The following RCAN2 variants were observed in gnomAD, a reference collection of about 807,000 sequenced individuals.
The protein encoded by RCAN2 is calcipressin-2.
Under a neutral mutation model 23.6 loss-of-function variants are expected in RCAN2, and 9 were observed. The ratio of observed to expected loss-of-function variants is 0.38; its 90% CI spans 0.23 to 0.67. The LOEUF is 0.67. Ranked by LOEUF, RCAN2 falls within the 30% of genes least tolerant of loss-of-function variation. The pLI is 0.51. For synonymous variants in RCAN2, 109 were observed against 115.7 expected (o/e 0.94, Z 0.37); for missense variants, 273 against 302.3 (o/e 0.90, Z 0.72).
chr6:46,471,754 A>G (rs900699579), intron 1 of RCAN2, among the ~76,000 whole-genome samples: 3 of 152,162 alleles, frequency 2.0e-5, no homozygotes, highest in Non-Finnish European at 2.9e-5. Context: ...TGAGCCCTGA[A>G]ACACACCACA....
chr6:46,401,099 G>A (rs147303175), intron 2 of RCAN2, among the ~76,000 whole-genome samples: 1 of 152,196 alleles, frequency 6.6e-6, no homozygotes, highest in African/African-American at 2.4e-5. Flanking sequence ...GTTCCCAGGA[G>A]TTAAATTAGA....
intron 2 of RCAN2, among the ~76,000 whole-genome samples, chr6:46,340,095 TGATAA>T (rs1764263321): frequency 6.6e-6 from 1 of 152,160 alleles, no homozygotes; most frequent in Non-Finnish European, 1.5e-5. Flanking sequence ...CATGAGTGAA[TGATAA>T]GATAAGCTAA....
chr6:46,361,810 A>T (rs191888483), intron 2 of RCAN2, among the ~76,000 whole-genome samples: 6 of 152,308 alleles, frequency 3.9e-5, no homozygotes, highest in Admixed American at 3.3e-4. Flanking sequence ...GATTAAAAAG[A>T]TTTGAGATAT....
intron 1 of RCAN2, among the ~76,000 whole-genome samples, chr6:46,458,910 T>TGA (rs1240561441): frequency 6.6e-6 from 1 of 152,104 alleles, no homozygotes; most frequent in African/African-American, 2.4e-5. Context: ...TGTGTGTGTG[T>TGA]GATGGAGTTT....
intron 4 of RCAN2, among the ~76,000 whole-genome samples, chr6:46,242,314 T>C (rs1005878587): frequency 2.0e-5 from 3 of 152,214 alleles, no homozygotes; most frequent in African/African-American, 7.2e-5. Flanking sequence ...CTTGCTTGTC[T>C]GAGATGAGGC....
intron 4 of RCAN2, among the ~76,000 whole-genome samples, chr6:46,228,721 CTT>C (rs1027649617): frequency 6.6e-5 from 10 of 152,142 alleles, no homozygotes; most frequent in African/African-American, 2.4e-4. Flanking sequence ...GGTCTTGACT[CTT>C]TATCCAATTT....
intron 2 of RCAN2, among the ~76,000 whole-genome samples, chr6:46,330,194 T>C (rs1299299611): frequency 6.6e-6 from 1 of 152,200 alleles, no homozygotes; most frequent in Non-Finnish European, 1.5e-5. Flanking sequence ...CTAGTCACTC[T>C]CAGAGTGTGG....
In RCAN2 at chr6:46,221,781, T is replaced by C. The variant is rs1002898647; in HGVS notation, c.*1360A>G. On this transcript the variant is annotated 3_prime_UTR_variant, in exon 5 of 5. Transcript: ENST00000371374. Reference sequence around the variant, plus strand: ...CACTCCATTGTAATCTGCGTTTGCATCTAAAGTAATTCATTAATGTACAGG... The same window carrying C: ...CACTCCATTGTAATCTGCGTTTGCACCTAAAGTAATTCATTAATGTACAGG... The C allele has an allele frequency of 1.3e-5, 5 of 395,828 alleles. No individual in the cohort carries two copies. Among genetic ancestry groups the C allele is most frequent in the Non-Finnish European group, 2.2e-5 (5 of 224,728 alleles). 24.5% of individuals were successfully genotyped at this position (395,828 alleles called of 1,614,324 possible). A position where few individuals can be genotyped will look rare whatever the true frequency, so the allele number is the denominator to read the frequency against.
At chr6:46,275,585 T>C (rs191351187) in intron 2 of RCAN2, among the ~76,000 whole-genome samples, 470 of 152,290 alleles carry the variant, frequency 3.1e-3, no homozygotes, top group Admixed American at 6.9e-3. Flanking sequence ...GTTGGCTTGG[T>C]ATAAGCATCA....
chr6:46,440,784 G>C (rs1767517357), intron 2 of RCAN2, among the ~76,000 whole-genome samples: 1 of 152,108 alleles, frequency 6.6e-6, no homozygotes, highest in Admixed American at 6.5e-5. Flanking sequence ...GTTCCCCAGA[G>C]TAAACAAAGT....
At chr6:46,420,529 A>G (rs1230835180) in intron 2 of RCAN2, among the ~76,000 whole-genome samples, 2 of 151,142 alleles carry the variant, frequency 1.3e-5, no homozygotes, top group East Asian at 1.9e-4. Flanking sequence ...TGTCATTTCA[A>G]TGTCTTCTGA....
chr6:46,470,662 T>C (rs1768533702), intron 1 of RCAN2, among the ~76,000 whole-genome samples: 1 of 152,240 alleles, frequency 6.6e-6, no homozygotes, highest in African/African-American at 2.4e-5. Flanking sequence ...TTTTTTATAT[T>C]TCTTAAAACT....
chr6:46,306,251 A>T (rs1366519149), intron 2 of RCAN2, among the ~76,000 whole-genome samples: 1 of 152,074 alleles, frequency 6.6e-6, no homozygotes, highest in Non-Finnish European at 1.5e-5. Context: ...CTCCACTGAA[A>T]TCCCCTATTC....
intron 2 of RCAN2, among the ~76,000 whole-genome samples, chr6:46,329,097 C>A (rs1763882264): frequency 6.6e-6 from 1 of 151,756 alleles, no homozygotes; most frequent in South Asian, 2.1e-4. Context: ...TATTGGTGTT[C>A]CAAAAAAAAA....
At chr6:46,391,867 G>T (rs1285021670) in intron 2 of RCAN2, among the ~76,000 whole-genome samples, 1 of 152,130 alleles carries the variant, frequency 6.6e-6, no homozygotes, top group Admixed American at 6.5e-5. Context: ...CTTGCATATG[G>T]GGCCTGGAAC....
intron 2 of RCAN2, among the ~76,000 whole-genome samples, chr6:46,262,182 T>A (rs4711843): frequency 0.78 from 118,928 of 151,924 alleles, 46,904 homozygotes; most frequent in Non-Finnish European, 0.83. Flanking sequence ...CCTCTAAATC[T>A]GCCACTCATC....
chr6:46,411,993 T>C (rs1766564081), intron 2 of RCAN2, among the ~76,000 whole-genome samples: 1 of 152,186 alleles, frequency 6.6e-6, no homozygotes, highest in Non-Finnish European at 1.5e-5. Context: ...TCTCTCTGGC[T>C]GCTGTGAAGA....
At chr6:46,461,979 C>T (rs1454459134) in intron 1 of RCAN2, among the ~76,000 whole-genome samples, 2 of 152,164 alleles carry the variant, frequency 1.3e-5, no homozygotes, top group East Asian at 3.8e-4. Flanking sequence ...CCCCCTCTGC[C>T]AATAACATGT....
At chr6:46,348,265 T>G (rs1038264133) in intron 2 of RCAN2, among the ~76,000 whole-genome samples, 3 of 152,198 alleles carry the variant, frequency 2.0e-5, no homozygotes, top group African/African-American at 7.2e-5. Flanking sequence ...ATATCCACAT[T>G]CAAGGGCAGT....
Sources: allele counts gnomAD v4.1 joint callset (sites outside exome capture counted in the v4.1 genomes callset), GRCh38; gene constraint gnomAD v4.1.1; transcripts MANE v1.5; gene names NCBI Gene and HGNC (gene_info 2026-07-23, HGNC 2026-07-21).